CPSF1: variants seen among roughly 807,000 people sequenced by gnomAD.
CPSF1 encodes cleavage and polyadenylation specificity factor subunit 1.
CPSF1 carries 106 observed loss-of-function variants against 175.8 expected under a neutral mutation model. The ratio of observed to expected loss-of-function variants is 0.60; its 90% confidence interval spans 0.52 to 0.71. The LOEUF (loss-of-function observed/expected upper bound fraction) is 0.71. Ranked by LOEUF, CPSF1 falls within the 30% of genes least tolerant of loss-of-function variation. The pLI is 0.00. For missense variants in CPSF1, 1,734 were observed against 2,022.9 expected (o/e 0.86, Z 2.74); for synonymous variants, 1,024 against 858.3 (o/e 1.19, Z -3.37).
chr8:144,397,148 GGGGAACGGGCAGGGCCAGGGGGAAGAT>G, intron 23 of CPSF1, 32 bp downstream of exon 23: 1 of 1,465,390 alleles, frequency 6.8e-7, no homozygotes. Flanking sequence ...CGGGGCTGTG[GGGGAACGGGCAGGGCCAGGGGGAAGAT>G]GGGAAGGGGA....
chr8:144,407,365 C>T (rs1821552182), intron 2 of CPSF1, among the ~76,000 whole-genome samples: 2 of 151,602 alleles, frequency 1.3e-5, no homozygotes, highest in South Asian at 4.2e-4. Flanking sequence ...ACACACAGGC[C>T]ACTATGCCCA....
chr8:144,399,273 C>T lies in CPSF1; in HGVS notation c.1392+3G>A, dbSNP rs2116861068. 3.6e-5 allele frequency: 58 copies of T among 1,612,496 alleles called. No individual in the cohort carries two copies. The Middle Eastern group carries it at 3.1e-3, about 87-fold the overall frequency. The stretch of plus-strand genomic sequence containing the variant: ...GACGGGGGCCCTGCTGCCTCAATCT[C>T]ACCTCAAAGGAGTAGGTGGCCAGCT... On this transcript the variant is annotated splice_donor_region_variant and intron_variant, in intron 14 of 37. Transcript: ENST00000616140. The surrounding 1 kb of genome is among the most constrained non-coding windows in gnomAD (Gnocchi z 6.4).
At position 144,399,108 on chromosome 8, in the gene CPSF1, C is replaced by G. The variant is rs2116858963; in HGVS notation, c.1467+20G>C. The G allele has an allele frequency of 1.4e-5, 22 of 1,550,860 alleles. No homozygotes were observed. The highest frequency in any genetic ancestry group is 3.9e-5 in the Admixed American group (2 of 51,272). On this transcript the variant is annotated intron_variant, in intron 15 of 37. Transcript: ENST00000616140. This position sits in a 1 kb window ranked among gnomAD's most constrained non-coding sequence, Gnocchi z 6.4. The stretch of plus-strand genomic sequence containing the variant: ...CACACTCCAGCCCCTGCCCCCAGCC[C>G]CGACCCCAACCCTGGGCACCTCTTC...
At chr8:144,401,397 G>C in intron 4 of CPSF1, 33 bp downstream of exon 4, 1 of 1,613,056 alleles carries the variant, frequency 6.2e-7, no homozygotes, top group Non-Finnish European at 8.5e-7. Flanking sequence ...CCCACGCCTT[G>C]GCCAGGCCTA....
chr8:144,400,501 C>T lies in CPSF1; in HGVS notation c.687-8G>A, dbSNP rs1007492332. The stretch of plus-strand genomic sequence containing the variant: ...TGCCGCACGGCCACGCGCCTGGGGA[C>T]GCCAGTGGGTCAGCCAAGGGCCTTG... On this transcript the variant is annotated splice_region_variant and splice_polypyrimidine_tract_variant and intron_variant, in intron 7 of 37. Transcript: ENST00000616140. 8.1e-6 allele frequency: 13 copies of T among 1,612,158 alleles called. No individual in the cohort carries two copies. Among genetic ancestry groups the T allele is most frequent in the Middle Eastern group, 1.6e-4 (1 of 6,084 alleles).
chr8:144,403,615 T>A (rs1469841151), intron 2 of CPSF1, among the ~76,000 whole-genome samples: 1 of 151,874 alleles, frequency 6.6e-6, no homozygotes, highest in Non-Finnish European at 1.5e-5. Flanking sequence ...GGCAGTAGTG[T>A]GATCTCAGCT....
chr8:144,397,855 G>C lies in CPSF1; in HGVS notation c.2098C>G (p.Leu700Val). 1 of 1,610,272 alleles carries C rather than the reference G, an allele frequency of 6.2e-7. No individual in the cohort carries two copies. Among genetic ancestry groups the C allele is most frequent in the Non-Finnish European group, 8.5e-7 (1 of 1,178,748 alleles). Residue 700 changes from leucine (L) to valine (V), a missense_variant, in exon 21 of 38, where the codon CTG becomes GTG. Leu to Val is a conservative substitution (Grantham distance 32, BLOSUM62 1). Around this residue, in one of 10 missense-constraint regions of CPSF1, gnomAD observed 280 missense variants for 349.2 expected, o/e 0.80. Transcript: ENST00000616140. ...AACATGCCGCTGAGGTCTCGGTACA[G>C]GCACAGCGTAATCACCTTGGACTGC... ...HHQSKVITLCLYRDLSGMFTT... is the reference protein window; with the variant it reads ...HHQSKVITLCVYRDLSGMFTT...
In CPSF1 at chr8:144,396,746, G is replaced by T. The variant is rs782395029; in HGVS notation, c.2683-5C>A. The T allele has an allele frequency of 6.8e-6, 11 of 1,613,862 alleles. No homozygotes were observed. The highest frequency in any genetic ancestry group is 3.3e-4 in the Middle Eastern group (2 of 6,060). ...GAAGTTGATGTTGTGAGGGACCTGG[G>T]GGGGAACCATGCAGGTCCTCCAGGG... is the stretch of plus-strand genomic sequence containing the variant. On this transcript the variant is annotated splice_region_variant and splice_polypyrimidine_tract_variant and intron_variant, in intron 24 of 37. Transcript: ENST00000616140.
chr8:144,405,493 A>G (rs1295739699), intron 2 of CPSF1, among the ~76,000 whole-genome samples: 3 of 151,868 alleles, frequency 2.0e-5, no homozygotes, highest in African/African-American at 7.3e-5. Context: ...GTGTGGTGGC[A>G]GGCGCCTGTA....
At position 144,393,353 on chromosome 8, in the gene CPSF1, A is replaced by G. The variant is rs782388687; in HGVS notation, c.4297T>C (p.Leu1433=). The part of the protein sequence containing the change: ...GTTPDIILDD[L]LETDRVTAHF ...GCGGTGACGCGGTCCGTCTCCAGCA[A>G]GTCGTCCAGGATCTGCAGGGGATGG... The change falls in exon 38 of 38, where the codon TTG becomes CTG. Residue 1433 remains leucine (L), a synonymous_variant. Transcript: ENST00000616140. 1.4e-6 allele frequency: 2 copies of G among 1,381,518 alleles called. No homozygotes were observed. The highest frequency in any genetic ancestry group is 1.6e-5 in the African/African-American group (1 of 63,190). 85.6% of individuals were successfully genotyped at this position (1,381,518 alleles called of 1,614,324 possible).
In CPSF1 at chr8:144,400,766, G is replaced by A. The variant is rs1469522889; in HGVS notation, c.591C>T (p.Asp197=). The change falls in exon 7 of 38, where the codon GAC becomes GAT. Residue 197 remains aspartate, a synonymous_variant. Transcript: ENST00000616140. Reference sequence around the variant, plus strand: ...GGTCGATGATGTTGAGCAGCTTCTCGTCTAGGGCCCGCACGTCGATGATGT... The same window carrying A: ...GGTCGATGATGTTGAGCAGCTTCTCATCTAGGGCCCGCACGTCGATGATGT... The part of the protein sequence containing the change: ...PSYIIDVRAL[D]EKLLNIIDLQ... The A allele has an allele frequency of 1.4e-5, 22 of 1,613,792 alleles. No individual in the cohort carries two copies. The highest frequency in any genetic ancestry group is 3.3e-5 in the Admixed American group (2 of 59,984).
intron 9 of CPSF1, 31 bp downstream of exon 9, chr8:144,400,135 G>GGGGGGGCCGCCCCCCC: frequency 2.2e-6 from 2 of 896,012 alleles, no homozygotes; most frequent in Non-Finnish European, 3.2e-6. Context: ...CCGTCCCCGG[G>GGGGGGGCCGCCCCCCC]CCCCCCCCGC....
Position 144,397,105 on chromosome 8 carries a change from G to A in CPSF1, c.2592+102C>T, listed in dbSNP as rs1354803143. ...TGGAGCCACGGGAAGGGGCGGGGCC[G>A]TGGGGGAGATGGGGTGGAGCCACGG... is the stretch of plus-strand genomic sequence containing the variant. On this transcript the variant is annotated intron_variant, in intron 23 of 37. Transcript: ENST00000616140. 170 of 1,190,486 alleles carry A rather than the reference G, an allele frequency of 1.4e-4. No individual in the cohort carries two copies. The African/African-American group carries it at 2.0e-3, about 14-fold the overall frequency. The allele number at this position is 1,190,486 out of a possible 1,614,324, so 73.7% of individuals were successfully genotyped here. A position where few individuals can be genotyped will look rare whatever the true frequency, so the allele number is the denominator to read the frequency against.
intron 2 of CPSF1, among the ~76,000 whole-genome samples, chr8:144,406,163 AC>A (rs1260713216): frequency 5.8e-4 from 1 of 1,726 alleles, no homozygotes; most frequent in Non-Finnish European, 0.028. Context: ...TTTCTTAAAA[AC>A]AAAAAACAAA....
chr8:144,409,161 C>G lies in CPSF1; in HGVS notation c.-3G>C. 6.2e-7 allele frequency: 1 copy of G among 1,606,440 alleles called. No homozygotes were observed. Among genetic ancestry groups the G allele is most frequent in the Non-Finnish European group, 8.5e-7 (1 of 1,176,804 alleles). ...GCCTGTTTGTACACGGCGTACATGG[C>G]GCCAACCCGGGCTGCGCAAGGCCGG... On this transcript the variant is annotated 5_prime_UTR_variant, in exon 2 of 38. Transcript: ENST00000616140.
chr8:144,397,601 G>A lies in CPSF1; in HGVS notation c.2271C>T (p.Pro757=). The change falls in exon 22 of 38, where the codon CCC becomes CCT. Residue 757 remains proline, a synonymous_variant. Transcript: ENST00000616140. The part of the protein sequence containing the change: ...LYGDSGSLFS[P]SKEEARRSSQ... ...TGCTTCTTCGGGCCTCCTCCTTGCTGGGGCTGAAGAGGGAGCCCGAATCCC... is the reference window on the plus strand; with the variant it reads ...TGCTTCTTCGGGCCTCCTCCTTGCTAGGGCTGAAGAGGGAGCCCGAATCCC... 6.5e-7 allele frequency: 1 copy of A among 1,537,262 alleles called. No individual in the cohort carries two copies.
chr8:144,397,836 C>A lies in CPSF1; in HGVS notation c.2117G>T (p.Gly706Val). 1 of 1,611,148 alleles carries A rather than the reference C, an allele frequency of 6.2e-7. No homozygotes were observed. Among genetic ancestry groups the A allele is most frequent in the Non-Finnish European group, 8.5e-7 (1 of 1,179,318 alleles). ...ITLCLYRDLS[G>V]MFTTESRLGG... ...CAGGCGGCTCTCAGTGGTGAACATG[C>A]CGCTGAGGTCTCGGTACAGGCACAG... The change falls in exon 21 of 38, where the codon GGC (glycine) becomes GTC (valine). Residue 706 changes from glycine to valine, a missense_variant. Transcript: ENST00000616140.
chr8:144,396,966 G>T (rs374663242), intron 23 of CPSF1, 37 bp from the exon 24 acceptor site: 1 of 1,503,402 alleles, frequency 6.7e-7, no homozygotes, highest in Admixed American at 1.7e-5. Context: ...GAACGGGCAG[G>T]GCCATGGAGA....
intron 36 of CPSF1, 32 bp downstream of exon 36, chr8:144,393,635 G>T: frequency 6.3e-7 from 1 of 1,585,586 alleles, no homozygotes; most frequent in Non-Finnish European, 8.5e-7. Context: ...GGGGTGGAGG[G>T]GGTGCTGCAC....
Sources: gnomAD v4.1 joint callset for allele counts (sites outside exome capture counted in the v4.1 genomes callset) on GRCh38, gnomAD v4.1.1 for gene constraint, gnomAD v4.1.1 regional missense constraint, Gnocchi (gnomAD v3.1) non-coding constraint, MANE v1.5 for transcripts, NCBI Gene and HGNC (gene_info 2026-07-23, HGNC 2026-07-21) for gene names.